Variants in PAK5 observed in about 807,000 individuals in gnomAD.
PAK5 encodes the protein p21 (RAC1) activated kinase 5.
A neutral mutation model predicts 65.9 loss-of-function variants in PAK5; 16 were observed. That is an observed-to-expected ratio of 0.24 (90% confidence interval 0.16 to 0.37). The LOEUF (loss-of-function observed/expected upper bound fraction) is 0.37, where lower values mean the gene tolerates loss of function less well. PAK5 is among the 10% of genes least tolerant of loss of function. The pLI, the probability that PAK5 is intolerant of heterozygous loss-of-function variation, is 1.00. For synonymous variants in PAK5, 371 were observed against 354.9 expected (o/e 1.05, Z -0.51); for missense variants, 785 against 903.9 (o/e 0.87, Z 1.69).
intron 3 of PAK5, among the ~76,000 whole-genome samples, chr20:9,599,802 G>A (rs560648672): frequency 4.0e-5 from 6 of 151,726 alleles, no homozygotes; most frequent in South Asian, 2.1e-4. Flanking sequence ...CATATTCTAC[G>A]GATTTTCACT....
chr20:9,561,142 T>C (rs1336689162), intron 6 of PAK5, among the ~76,000 whole-genome samples: 5 of 152,208 alleles, frequency 3.3e-5, no homozygotes, highest in Admixed American at 3.3e-4. Flanking sequence ...AATTTTGTTT[T>C]GCCTCTGGAG....
intron 1 of PAK5, among the ~76,000 whole-genome samples, chr20:9,829,481 T>G (rs1022186054): frequency 2.0e-5 from 3 of 152,242 alleles, no homozygotes; most frequent in Admixed American, 6.5e-5. Context: ...TTATGAAGAC[T>G]AATTAATATA....
chr20:9,733,501 G>A (rs1410765928), intron 1 of PAK5, among the ~76,000 whole-genome samples: 1 of 151,654 alleles, frequency 6.6e-6, no homozygotes, highest in Non-Finnish European at 1.5e-5. Flanking sequence ...CTGGAGTGCA[G>A]TGGCACAATC....
intron 7 of PAK5, among the ~76,000 whole-genome samples, chr20:9,545,479 T>C (rs547139868): frequency 5.9e-5 from 9 of 152,288 alleles, no homozygotes; most frequent in Admixed American, 4.6e-4. Flanking sequence ...GAATGACCAC[T>C]TGAAGTGAAA....
chr20:9,647,498 G>A (rs1641872375), intron 2 of PAK5, among the ~76,000 whole-genome samples: 1 of 152,126 alleles, frequency 6.6e-6, no homozygotes, highest in South Asian at 2.1e-4. Flanking sequence ...TATTTTTAGA[G>A]GCAGAATAGA....
chr20:9,605,105 G>A (rs778819839), intron 3 of PAK5, among the ~76,000 whole-genome samples: 9 of 152,230 alleles, frequency 5.9e-5, no homozygotes, highest in Non-Finnish European at 1.2e-4. Context: ...GCTGGTTAAT[G>A]CTGTGGGCAA....
At chr20:9,836,488 G>A (rs1569107307) in intron 1 of PAK5, among the ~76,000 whole-genome samples, 1 of 152,114 alleles carries the variant, frequency 6.6e-6, no homozygotes. Context: ...CACAAACCAG[G>A]GAATGCCTGG....
intron 4 of PAK5, among the ~76,000 whole-genome samples, chr20:9,575,932 T>G (rs770612149): frequency 5.9e-5 from 9 of 152,116 alleles, no homozygotes; most frequent in Non-Finnish European, 1.2e-4. Flanking sequence ...AGATTTGGAG[T>G]CTCAGCTTCC....
At chr20:9,683,601 A>G (rs1902778791) in intron 2 of PAK5, among the ~76,000 whole-genome samples, 1 of 152,154 alleles carries the variant, frequency 6.6e-6, no homozygotes, top group Non-Finnish European at 1.5e-5. Context: ...TCCTGGGCAT[A>G]TAGTGGATTA....
intron 2 of PAK5, among the ~76,000 whole-genome samples, chr20:9,694,556 A>G (rs546476912): frequency 6.5e-4 from 99 of 152,172 alleles, no homozygotes; most frequent in African/African-American, 2.3e-3. Context: ...AGCTGTGCCC[A>G]AGTAACCAAC....
At chr20:9,834,581 T>C (rs1047422006) in intron 1 of PAK5, among the ~76,000 whole-genome samples, 29 of 152,068 alleles carry the variant, frequency 1.9e-4, no homozygotes, top group African/African-American at 7.0e-4. Flanking sequence ...GATACCTTTT[T>C]CCCCAGATAA....
chr20:9,710,170 C>G (rs1189267804), intron 2 of PAK5, among the ~76,000 whole-genome samples: 1 of 152,112 alleles, frequency 6.6e-6, no homozygotes, highest in Non-Finnish European at 1.5e-5. Flanking sequence ...CAGGCTGCCT[C>G]TCAGTGGCTT....
At chr20:9,773,475 T>C (rs2048856008) in intron 1 of PAK5, among the ~76,000 whole-genome samples, 1 of 152,028 alleles carries the variant, frequency 6.6e-6, no homozygotes, top group Admixed American at 6.6e-5. Context: ...AGACAGTGCA[T>C]GAGTTTGGTA....
chr20:9,784,899 A>T (rs570936958), intron 1 of PAK5, among the ~76,000 whole-genome samples: 1 of 152,292 alleles, frequency 6.6e-6, no homozygotes, highest in South Asian at 2.1e-4. Flanking sequence ...CAAATAAAGA[A>T]ATAGGTGGAT....
At chr20:9,833,150 G>A (rs1054387423) in intron 1 of PAK5, among the ~76,000 whole-genome samples, 8 of 152,196 alleles carry the variant, frequency 5.3e-5, no homozygotes, top group African/African-American at 1.9e-4. Context: ...GGAGGGTCAT[G>A]TAAACAGAGG....
chr20:9,610,281 G>C (rs2046534269), intron 3 of PAK5, among the ~76,000 whole-genome samples: 1 of 152,194 alleles, frequency 6.6e-6, no homozygotes, highest in Non-Finnish European at 1.5e-5. Flanking sequence ...GAATTAGCTT[G>C]CATCCTCCAG....
intron 2 of PAK5, among the ~76,000 whole-genome samples, chr20:9,706,167 A>G (rs1477377638): frequency 6.6e-6 from 1 of 152,218 alleles, no homozygotes; most frequent in Admixed American, 6.5e-5. Context: ...CAGTCTTCAC[A>G]GAGACTTGGC....
chr20:9,670,026 G>GT (rs1157484490), intron 2 of PAK5, among the ~76,000 whole-genome samples: 31 of 152,156 alleles, frequency 2.0e-4, no homozygotes, highest in Admixed American at 5.2e-4. Flanking sequence ...GCGGTGTGTG[G>GT]TTTTTTGTCC....
chr20:9,737,078 T>G (rs2123571917), intron 1 of PAK5, among the ~76,000 whole-genome samples: 1 of 149,612 alleles, frequency 6.7e-6, no homozygotes, highest in Admixed American at 6.7e-5. Context: ...GAAAGTGAAA[T>G]AAAGATATTT....
Sources: gnomAD v4.1 joint callset for allele counts (sites outside exome capture counted in the v4.1 genomes callset) on GRCh38, gnomAD v4.1.1 for gene constraint, MANE v1.5 for transcripts, NCBI Gene and HGNC (gene_info 2026-07-23, HGNC 2026-07-21) for gene names.